Variants in PCDHGA7 observed in about 807,000 individuals in gnomAD.
PCDHGA7 encodes protocadherin gamma-A7.
Under a neutral mutation model 58.3 loss-of-function variants are expected in PCDHGA7, and 44 were observed. The observed-to-expected ratio is 0.75, with a 90% CI of 0.59 to 0.97. The LOEUF (loss-of-function observed/expected upper bound fraction) is 0.97, where lower values mean the gene tolerates loss of function less well. PCDHGA7 is among the 50% of genes least tolerant of loss of function. The pLI is 0.00. For missense variants in PCDHGA7, 1,266 were observed against 1,188.7 expected, an observed-to-expected ratio of 1.06 and a Z score of -0.96; for synonymous variants, 516 against 504.2, an observed-to-expected ratio of 1.02 and a Z score of -0.31.
rs1303066281 is a variant in PCDHGA7, at chr5:141,511,199, G to A, written c.*26G>A. The A allele has an allele frequency of 1.2e-6, 2 of 1,612,750 alleles. No homozygotes were observed. The highest frequency in any genetic ancestry group is 1.3e-5 in the African/African-American group (1 of 74,896). On this transcript the variant is annotated 3_prime_UTR_variant, in exon 4 of 4. Transcript: ENST00000518325. The stretch of plus-strand genomic sequence containing the variant: ...CATGGAGGCCAGGCCAAGAGCCACA[G>A]GGCGGCCTCTCCCCAACCAGCCCAG...
chr5:141,386,729 G>A (rs2090690425), intron 1 of PCDHGA7, among the ~76,000 whole-genome samples: 1 of 152,182 alleles, frequency 6.6e-6, no homozygotes, highest in South Asian at 2.1e-4. Context: ...CAATGTTACT[G>A]AGGGAAGATC....
intron 1 of PCDHGA7, chr5:141,398,588 T>C: frequency 1.9e-6 from 3 of 1,614,010 alleles, no homozygotes; most frequent in African/African-American, 1.3e-5. Flanking sequence ...AGATTTATAC[T>C]AGAAGTAGCA....
chr5:141,466,769 T>C (rs760924688), intron 1 of PCDHGA7, among the ~76,000 whole-genome samples: 1 of 152,198 alleles, frequency 6.6e-6, no homozygotes, highest in African/African-American at 2.4e-5. Flanking sequence ...CAAACTGTTA[T>C]CTTATTCTTC....
chr5:141,478,392 A>T, intron 1 of PCDHGA7: 1 of 1,613,560 alleles, frequency 6.2e-7, no homozygotes, highest in East Asian at 2.2e-5. Flanking sequence ...CTTTACCATC[A>T]GGTGTATCTC....
At position 141,489,380 on chromosome 5, in the gene PCDHGA7, A is replaced by G. The variant is rs753226956; in HGVS notation, c.2425-5427A>G. ...TCTGAGCCGGGGACGCTGGTGGGGA[A>G]TGTTGCTCAGGATCTGGGCTTAAAG... is the stretch of plus-strand genomic sequence containing the variant. On this transcript the variant is annotated intron_variant, in intron 1 of 3. Transcript: ENST00000518325. The surrounding 1 kb of genome is among the most constrained non-coding windows in gnomAD (Gnocchi z 4.5). The G allele has an allele frequency of 1.9e-6, 3 of 1,613,874 alleles. No individual in the cohort carries two copies. Among genetic ancestry groups the G allele is most frequent in the Admixed American group, 1.7e-5 (1 of 60,026 alleles).
chr5:141,432,476 A>G lies in PCDHGA7; in HGVS notation c.2424+47153A>G. 1 of 1,614,080 alleles carries G rather than the reference A, an allele frequency of 6.2e-7. No homozygotes were observed. Among genetic ancestry groups the G allele is most frequent in the East Asian group, 2.2e-5 (1 of 44,874 alleles). ...CCCCGCCCTCCCCACGGACGGTTCCACTGGCGTGGAGCTGGCTCCCCGCTC... is the reference window on the plus strand; with the variant it reads ...CCCCGCCCTCCCCACGGACGGTTCCGCTGGCGTGGAGCTGGCTCCCCGCTC... On this transcript the variant is annotated intron_variant, in intron 1 of 3. Transcript: ENST00000518325. The surrounding 1 kb of genome is among the most constrained non-coding windows in gnomAD (Gnocchi z 6.0).
chr5:141,488,128 G>T (rs1412334197), intron 1 of PCDHGA7, among the ~76,000 whole-genome samples: 1 of 152,226 alleles, frequency 6.6e-6, no homozygotes, highest in Non-Finnish European at 1.5e-5. Context: ...ACAGCAGAAA[G>T]AGGAGAGAAC....
At chr5:141,424,715 G>A (rs1299933373) in intron 1 of PCDHGA7, 1 of 152,132 alleles carries the variant, frequency 6.6e-6, no homozygotes, top group Admixed American at 6.6e-5. Flanking sequence ...TTTCAGTGTA[G>A]TTGGGAGTCA....
intron 1 of PCDHGA7, chr5:141,410,087 G>C (rs1427716409): frequency 6.2e-7 from 1 of 1,612,364 alleles, no homozygotes; most frequent in Admixed American, 1.7e-5. Context: ...GGTGCGCACG[G>C]CTCGAGCCTT....
At chr5:141,409,896 C>A (rs1181128940) in intron 1 of PCDHGA7, 1 of 1,613,240 alleles carries the variant, frequency 6.2e-7, no homozygotes, top group African/African-American at 1.3e-5. Context: ...GTGCTGTACC[C>A]AGCTCTGGGT....
intron 1 of PCDHGA7, chr5:141,399,055 GA>G: frequency 7.4e-6 from 12 of 1,613,844 alleles, no homozygotes; most frequent in Non-Finnish European, 1.0e-5. Context: ...AGAGACCAAG[GA>G]ATATTCAATG....
At chr5:141,500,252 A>G (rs2099798400) in intron 2 of PCDHGA7, among the ~76,000 whole-genome samples, 1 of 151,094 alleles carries the variant, frequency 6.6e-6, no homozygotes, top group East Asian at 1.9e-4. Flanking sequence ...TCTGTCACCC[A>G]GGCTGGACTG....
intron 1 of PCDHGA7, chr5:141,394,586 G>T: frequency 3.1e-6 from 5 of 1,613,888 alleles, no homozygotes; most frequent in Non-Finnish European, 4.2e-6. Context: ...TGACCAAGGT[G>T]GTGGCGGTGG....
chr5:141,491,612 G>C lies in PCDHGA7; in HGVS notation c.2425-3195G>C, dbSNP rs759955730. 1 of 1,613,906 alleles carries C rather than the reference G, an allele frequency of 6.2e-7. No individual in the cohort carries two copies. Among genetic ancestry groups the C allele is most frequent in the South Asian group, 1.1e-5 (1 of 91,080 alleles). ...GACGGCAGTGACTTCACTTTTCTAA[G>C]ACCCCTCAGCGTTCAGCAGCCCACA... On this transcript the variant is annotated intron_variant, in intron 1 of 3. Transcript: ENST00000518325. The surrounding 1 kb of genome is among the most constrained non-coding windows in gnomAD (Gnocchi z 6.9).
rs1588935536 is a variant in PCDHGA7, at chr5:141,383,115, G to A, written c.216G>A (p.Thr72=). 4 of 1,614,078 alleles carry A rather than the reference G, an allele frequency of 2.5e-6. No individual in the cohort carries two copies. Among genetic ancestry groups the A allele is most frequent in the Non-Finnish European group, 2.5e-6 (3 of 1,179,982 alleles). ...TCCGCATCATCTCCAGAGGTAGGAC[G>A]CAGCTTTTCGCCCTGAACCAGCGCA... is the stretch of plus-strand genomic sequence containing the variant. The part of the protein sequence containing the change: ...RGVRIISRGR[T]QLFALNQRSG... Residue 72 remains threonine, a synonymous_variant, in exon 1 of 4, where the codon ACG becomes ACA. Coordinates refer to ENST00000518325, the MANE Select transcript of PCDHGA7 (RefSeq NM_018920.4).
intron 1 of PCDHGA7, chr5:141,399,765 G>A: frequency 6.2e-7 from 1 of 1,613,356 alleles, no homozygotes; most frequent in African/African-American, 1.3e-5. Flanking sequence ...GCCTGCGCGT[G>A]TTGGTGGGCG....
Position 141,421,259 on chromosome 5 carries a change from G to C in PCDHGA7, c.2424+35936G>C. The C allele has an allele frequency of 6.2e-7, 1 of 1,609,254 alleles. No individual in the cohort carries two copies. The highest frequency in any genetic ancestry group is 8.5e-7 in the Non-Finnish European group (1 of 1,178,538). The stretch of plus-strand genomic sequence containing the variant: ...AATCGGCTACAGCGCGGGGACCGCA[G>C]TCGGCTGCTGCTGCTGCTGTGCATT... On this transcript the variant is annotated intron_variant, in intron 1 of 3. Transcript: ENST00000518325.
intron 1 of PCDHGA7, chr5:141,415,478 G>C: frequency 6.2e-7 from 1 of 1,614,082 alleles, no homozygotes; most frequent in Non-Finnish European, 8.5e-7. Flanking sequence ...GCGGACTCGC[G>C]AAAGAGTCAC....
At chr5:141,398,727 A>G in intron 1 of PCDHGA7, 1 of 1,613,894 alleles carries the variant, frequency 6.2e-7, no homozygotes, top group Middle Eastern at 1.6e-4. Flanking sequence ...AGAAAACCTT[A>G]GACCGGGAAC....
Sources: gnomAD v4.1 joint callset for allele counts (sites outside exome capture counted in the v4.1 genomes callset) on GRCh38, gnomAD v4.1.1 for gene constraint, Gnocchi (gnomAD v3.1) non-coding constraint, MANE v1.5 for transcripts, NCBI Gene and HGNC (gene_info 2026-07-23, HGNC 2026-07-21) for gene names.